TSPEAR: variants seen among roughly 807,000 people sequenced by gnomAD.
TSPEAR encodes the protein thrombospondin type laminin G domain and EAR repeats, also known as thrombospondin-type laminin G domain and EAR repeat-containing protein.
Under a neutral mutation model 71.6 loss-of-function variants are expected in TSPEAR, and 69 were observed. The observed-to-expected ratio is 0.96, with a 90% CI of 0.79 to 1.18. The LOEUF is 1.18. Ranked by LOEUF, TSPEAR falls within the 50% of genes most tolerant of loss-of-function variation. The probability of loss-of-function intolerance (pLI) is 0.00; values close to 1 mark genes in which losing one functional copy is unlikely to be tolerated. For synonymous variants in TSPEAR, 402 were observed against 387.2 expected (o/e 1.04, Z -0.45); for missense variants, 971 against 894.9 (o/e 1.09, Z -1.09).
Position 44,580,374 on chromosome 21 carries a change from A to C in TSPEAR, c.83-12369T>G, listed in dbSNP as rs1394022958. The stretch of plus-strand genomic sequence containing the variant: ...GCCGGCTGGCAGCACGAGGGCGTGC[A>C]GGAGCTGGTGCAGCCTGATTGGCAG... On this transcript the variant is annotated intron_variant, in intron 1 of 11. Transcript: ENST00000323084. 3 of 1,613,410 alleles carry C rather than the reference A, an allele frequency of 1.9e-6. No homozygotes were observed. The African/African-American group carries it at 4.0e-5, about 22-fold the overall frequency.
rs191340843 is a variant in TSPEAR at position 44,689,565 on chromosome 21, C to A, written c.82+21868G>T. Among the ~76,000 whole-genome samples, 524 of 150,406 alleles carry A rather than the reference C, an allele frequency of 3.5e-3. 1 individual carries two copies. Among genetic ancestry groups the A allele is most frequent in the African/African-American group, 0.012 (501 of 40,798 alleles). On this transcript the variant is annotated intron_variant, in intron 1 of 11. Transcript: ENST00000323084. The stretch of plus-strand genomic sequence containing the variant: ...TCAGGAAGATGTTACATCTACCAAA[C>A]AAGGACAAGATGCTTTGAAAATGAA...
At chr21:44,504,973 G>A in intron 10 of TSPEAR, 92 bp from the exon 11 acceptor site, 1 of 977,372 alleles carries the variant, frequency 1.0e-6, no homozygotes, top group Non-Finnish European at 1.6e-6. Context: ...ATTTATAGAG[G>A]AGGAGCCGGG....
intron 1 of TSPEAR, chr21:44,646,633 C>G: frequency 6.2e-7 from 1 of 1,613,330 alleles, no homozygotes; most frequent in Admixed American, 1.7e-5. Flanking sequence ...CCCCTGCTGC[C>G]AGGCGGCCTG....
chr21:44,643,722 C>G (rs1484390968), intron 1 of TSPEAR, among the ~76,000 whole-genome samples: 3 of 152,210 alleles, frequency 2.0e-5, no homozygotes, highest in Non-Finnish European at 4.4e-5. Flanking sequence ...CATACACACA[C>G]ACATACACAA....
chr21:44,697,823 C>A (rs199768542), intron 1 of TSPEAR: 2 of 1,613,198 alleles, frequency 1.2e-6, no homozygotes, highest in Middle Eastern at 1.7e-4. Context: ...ACCCGCCCGC[C>A]GCGTGCCCGT....
intron 2 of TSPEAR, among the ~76,000 whole-genome samples, chr21:44,534,286 TGAG>T (rs1348152662): frequency 6.2e-5 from 1 of 16,064 alleles, no homozygotes; most frequent in African/African-American, 3.5e-4. Flanking sequence ...GGGGCTTGTG[TGAG>T]GGGGCAGGGC....
chr21:44,648,187 G>A (rs1194811701), intron 1 of TSPEAR, among the ~76,000 whole-genome samples: 1 of 152,166 alleles, frequency 6.6e-6, no homozygotes, highest in African/African-American at 2.4e-5. Flanking sequence ...TTAAGGCCTG[G>A]GTGAGGAGAC....
chr21:44,579,772 CAG>C, intron 1 of TSPEAR: 1 of 1,611,290 alleles, frequency 6.2e-7, no homozygotes, highest in South Asian at 1.1e-5. Flanking sequence ...CTCAGCAGGC[CAG>C]GGGGGAGCAC....
intron 1 of TSPEAR, among the ~76,000 whole-genome samples, chr21:44,645,882 G>A (rs1369097018): frequency 6.6e-6 from 1 of 151,864 alleles, no homozygotes; most frequent in Non-Finnish European, 1.5e-5. Flanking sequence ...GCTCACGCCT[G>A]TAATCCCAGC....
intron 9 of TSPEAR, among the ~76,000 whole-genome samples, chr21:44,514,688 T>C (rs2052503196): frequency 6.6e-6 from 1 of 152,162 alleles, no homozygotes; most frequent in Non-Finnish European, 1.5e-5. Flanking sequence ...CCTAGACTTC[T>C]AGGGACAGAG....
In TSPEAR at chr21:44,506,151, C is replaced by A. The variant is rs1306279622; in HGVS notation, c.1755-1270G>T. Among the ~76,000 whole-genome samples the A allele has an allele frequency of 6.6e-6, 1 of 152,218 alleles. No individual in the cohort carries two copies. Among genetic ancestry groups the A allele is most frequent in the Non-Finnish European group, 1.5e-5 (1 of 68,014 alleles). ...AGCAGAAGCTGTTTCTTGTTGCAAA[C>A]AAATTTGCTGTGTCCTGTCTTAGGA... On this transcript the variant is annotated intron_variant, in intron 10 of 11. Coordinates refer to ENST00000323084, the MANE Select transcript of TSPEAR (RefSeq NM_144991.3). This position sits in a 1 kb window ranked among gnomAD's most constrained non-coding sequence, Gnocchi z 4.2.
At chr21:44,563,324 T>C (rs781794566) in intron 2 of TSPEAR, among the ~76,000 whole-genome samples, 4 of 152,108 alleles carry the variant, frequency 2.6e-5, no homozygotes, top group Non-Finnish European at 5.9e-5. Context: ...ATGTAATATA[T>C]ATAACAACAA....
At chr21:44,678,257 A>G (rs77895530) in intron 1 of TSPEAR, among the ~76,000 whole-genome samples, 8,025 of 151,944 alleles carry the variant, frequency 0.053, 234 homozygotes, top group Middle Eastern at 0.14. Context: ...CTGGAGGTGG[A>G]GCCTGGTAGG....
Position 44,697,106 on chromosome 21 carries a change from A to ACACT in TSPEAR, c.82+14323_82+14326dup, listed in dbSNP as rs1216701271. On this transcript the variant is annotated intron_variant, in intron 1 of 11. Transcript: ENST00000323084. ...TCCCTCCTGCCCATCCAGCACCCAGACACTCACTCACTCCCTCCTTCCCAT... is the reference window on the plus strand; with the variant it reads ...TCCCTCCTGCCCATCCAGCACCCAGACACTCACTCACTCACTCCCTCCTTCCCAT... 3 of 1,552,036 alleles carry ACACT rather than the reference A, an allele frequency of 1.9e-6. No homozygotes were observed. The African/African-American group carries it at 4.1e-5, about 21-fold the overall frequency.
intron 1 of TSPEAR, among the ~76,000 whole-genome samples, chr21:44,616,993 G>A (rs1183291864): frequency 6.6e-6 from 1 of 152,180 alleles, no homozygotes; most frequent in Non-Finnish European, 1.5e-5. Context: ...GGAAAGGAGG[G>A]TGCAGTGGGG....
At chr21:44,647,194 A>AG (rs782014495) in intron 1 of TSPEAR, 9 of 1,612,900 alleles carry the variant, frequency 5.6e-6, no homozygotes, top group Non-Finnish European at 7.6e-6. Context: ...CCCCGTGTGC[A>AG]GGTCCACCTG....
At chr21:44,671,289 A>G (rs1015662494) in intron 1 of TSPEAR, among the ~76,000 whole-genome samples, 2 of 152,150 alleles carry the variant, frequency 1.3e-5, no homozygotes, top group African/African-American at 4.8e-5. Context: ...TACTACCATC[A>G]TCCATGTCAG....
chr21:44,613,017 T>A (rs1430615619), intron 1 of TSPEAR: 45 of 1,289,664 alleles, frequency 3.5e-5, no homozygotes, highest in Non-Finnish European at 4.6e-5. Flanking sequence ...TGAGGTGACC[T>A]CTCCCTCCTT....
At position 44,533,895 on chromosome 21, in the gene TSPEAR, G is replaced by A. The variant is rs1555916062; in HGVS notation, c.332C>T (p.Ala111Val). The A allele has an allele frequency of 6.2e-7, 1 of 1,611,782 alleles. No homozygotes were observed. The highest frequency in any genetic ancestry group is 1.7e-5 in the Admixed American group (1 of 59,974). ...GAGCAGCAGCAGGTCGCTCTCCTCT[G>A]CCACCACCGTCAGCAGGTACTCGTT... ...KRNEYLLTVV[A>V]EESDLLLLGL... Residue 111 changes from alanine to valine, a missense_variant, in exon 3 of 12, where the codon GCA becomes GTA. Transcript: ENST00000323084.
Sources: gnomAD v4.1 joint callset for allele counts (sites outside exome capture counted in the v4.1 genomes callset) on GRCh38, gnomAD v4.1.1 for gene constraint, Gnocchi (gnomAD v3.1) non-coding constraint, MANE v1.5 for transcripts, NCBI Gene and HGNC (gene_info 2026-07-23, HGNC 2026-07-21) for gene names.